DSCAML1: variants seen among roughly 807,000 people sequenced by gnomAD.
The protein encoded by DSCAML1 is DS cell adhesion molecule like 1, also known as cell adhesion molecule DSCAML1.
Under a neutral mutation model 200.5 loss-of-function variants are expected in DSCAML1, and 38 were observed. The observed-to-expected ratio is 0.19, with a 90% CI of 0.15 to 0.25. The LOEUF (loss-of-function observed/expected upper bound fraction) is 0.25. Among genes scored for constraint, DSCAML1 ranks in the 10% least tolerant of loss-of-function variants. DSCAML1 has a pLI of 1.00. For missense variants in DSCAML1, 2,223 were observed against 2,858.8 expected (o/e 0.78, Z 5.07); for synonymous variants, 1,215 against 1,165.0 (o/e 1.04, Z -0.87).
At chr11:117,714,515 A>G (rs2053911802) in intron 3 of DSCAML1, among the ~76,000 whole-genome samples, 1 of 152,158 alleles carries the variant, frequency 6.6e-6, no homozygotes, top group African/African-American at 2.4e-5. Context: ...GAAGAAAAGA[A>G]GAACAAGAAA....
At chr11:117,714,848 G>C (rs7930626) in intron 3 of DSCAML1, among the ~76,000 whole-genome samples, 128,173 of 134,634 alleles carry the variant, frequency 0.95, 61,211 homozygotes, top group South Asian at 0.99. Flanking sequence ...AAAAAAGGAA[G>C]GTGCCACACT....
intron 19 of DSCAML1, among the ~76,000 whole-genome samples, chr11:117,455,916 A>G (rs1809428946): frequency 1.3e-5 from 2 of 152,128 alleles, no homozygotes; most frequent in African/African-American, 4.8e-5. Flanking sequence ...TTAGAACCTA[A>G]CTTTTGCTTA....
At chr11:117,801,023 C>T (rs2055652228), upstream of DSCAML1, 1 of 152,154 alleles carries the variant, frequency 6.6e-6, no homozygotes, top group South Asian at 2.1e-4. Context: ...TGAACCAGGT[C>T]TGTGTGAAAA....
chr11:117,502,534 C>T (rs1366809093), intron 11 of DSCAML1, among the ~76,000 whole-genome samples: 3 of 152,154 alleles, frequency 2.0e-5, no homozygotes, highest in Non-Finnish European at 2.9e-5. Context: ...GATTCCGGCT[C>T]GGAGCTCCCT....
In DSCAML1 at chr11:117,593,290, G is replaced by A. The variant is rs78744690; in HGVS notation, c.512-60768C>T. ...AATCTCTGCTTTCTCCCCTGCTCCCGCCCACCCTGACCTCTTGCAAAATGG... is the reference window on the plus strand; with the variant it reads ...AATCTCTGCTTTCTCCCCTGCTCCCACCCACCCTGACCTCTTGCAAAATGG... On this transcript the variant is annotated intron_variant, in intron 3 of 32. Transcript: ENST00000651296. Among the ~76,000 whole-genome samples, 110 of 152,192 alleles carry A rather than the reference G, an allele frequency of 7.2e-4. 1 individual carries two copies. The highest frequency in any genetic ancestry group is 1.3e-3 in the Non-Finnish European group (87 of 67,980).
intron 3 of DSCAML1, among the ~76,000 whole-genome samples, chr11:117,560,176 G>T (rs927839192): frequency 1.3e-5 from 2 of 152,150 alleles, no homozygotes; most frequent in African/African-American, 4.8e-5. Flanking sequence ...TTTTATTAGT[G>T]ATGGTGATGA....
At chr11:117,814,207 C>G (rs571912505) in intron 1 of DSCAML1, among the ~76,000 whole-genome samples, 32 of 152,280 alleles carry the variant, frequency 2.1e-4, no homozygotes, top group Admixed American at 6.5e-4. Flanking sequence ...TAAAACGGCC[C>G]CACCCCTATC....
intron 24 of DSCAML1, 64 bp from the exon 25 acceptor site, chr11:117,438,147 C>T: frequency 2.0e-6 from 3 of 1,492,790 alleles, no homozygotes; most frequent in Non-Finnish European, 2.7e-6. Context: ...AGCCCAGCCT[C>T]AGGTACCCCA....
At chr11:117,633,911 A>C (rs1438011863) in intron 3 of DSCAML1, among the ~76,000 whole-genome samples, 2 of 152,142 alleles carry the variant, frequency 1.3e-5, no homozygotes, top group Non-Finnish European at 2.9e-5. Context: ...GTGGTCACTG[A>C]ATGGGACCCT....
At chr11:117,448,917 A>G (rs1206352444) in intron 20 of DSCAML1, among the ~76,000 whole-genome samples, 2 of 149,502 alleles carry the variant, frequency 1.3e-5, no homozygotes, top group Non-Finnish European at 3.0e-5. Flanking sequence ...TGTTCACAGC[A>G]GCACCATTTG....
chr11:117,504,826 T>C lies in DSCAML1; in HGVS notation c.2182+98A>G. On this transcript the variant is annotated intron_variant, in intron 10 of 32. Transcript: ENST00000651296. The surrounding 1 kb of genome is among the most constrained non-coding windows in gnomAD (Gnocchi z 5.0). ...AGACCAGAGGACTCCCATCCAGGGA[T>C]AGGAGTTGCCTGCATGGAACAGGTT... The C allele has an allele frequency of 2.7e-6, 4 of 1,458,136 alleles. No homozygotes were observed. Among genetic ancestry groups the C allele is most frequent in the Non-Finnish European group, 3.6e-6 (4 of 1,098,316 alleles). The allele number at this position is 1,458,136 out of a possible 1,614,324, so 90.3% of individuals were successfully genotyped here. A position where few individuals can be genotyped will look rare whatever the true frequency, so the allele number is the denominator to read the frequency against.
chr11:117,648,014 A>T (rs1057350727), intron 3 of DSCAML1, among the ~76,000 whole-genome samples: 4 of 152,338 alleles, frequency 2.6e-5, no homozygotes, highest in Middle Eastern at 3.4e-3. Context: ...CCCAGCTCAG[A>T]AGCAGCCCTG....
intron 18 of DSCAML1, among the ~76,000 whole-genome samples, chr11:117,459,393 G>A (rs1565700773): frequency 6.6e-6 from 1 of 152,238 alleles, no homozygotes; most frequent in Non-Finnish European, 1.5e-5. Flanking sequence ...TGGGGATGGT[G>A]TGTGACAGGC....
chr11:117,712,456 T>C (rs1187312995), intron 3 of DSCAML1, among the ~76,000 whole-genome samples: 1 of 152,122 alleles, frequency 6.6e-6, no homozygotes, highest in East Asian at 1.9e-4. Flanking sequence ...TCTATATTCA[T>C]AGAAATCCGG....
chr11:117,777,758 A>G (rs555154419), intron 2 of DSCAML1, among the ~76,000 whole-genome samples: 1 of 150,830 alleles, frequency 6.6e-6, no homozygotes, highest in East Asian at 2.0e-4. Context: ...GCTGGCTTCT[A>G]GGGCATTGCC....
chr11:117,789,310 A>G (rs1045297020), intron 1 of DSCAML1, among the ~76,000 whole-genome samples: 9 of 152,342 alleles, frequency 5.9e-5, no homozygotes, highest in African/African-American at 1.7e-4. Flanking sequence ...CTTTCTAGAC[A>G]GGGCCTGTCA....
rs147584706 is a variant in DSCAML1, at chr11:117,650,700, T to TGTGTGTGTGTGTGTGCGC, written c.512-118179_512-118178insGCGCACACACACACACAC. Among the ~76,000 whole-genome samples the TGTGTGTGTGTGTGTGCGC allele has an allele frequency of 1.1e-4, 16 of 147,466 alleles. No individual in the cohort carries two copies. The South Asian group carries it at 1.1e-3, about 10-fold the overall frequency. ...GTGTGTGTGTGTGTGTGTGTGTGTG[T>TGTGTGTGTGTGTGTGCGC]GCGTGTGTGTGTGTGGTGGGGATTG... On this transcript the variant is annotated intron_variant, in intron 3 of 32. Transcript: ENST00000651296.
At position 117,492,513 on chromosome 11, in the gene DSCAML1, C is replaced by T. The variant is rs1207432948; in HGVS notation, c.2360-10351G>A. On this transcript the variant is annotated intron_variant, in intron 11 of 32. Coordinates refer to ENST00000651296, the MANE Select transcript of DSCAML1 (RefSeq NM_020693.4). ...GCAGGGAGCCCGTGTGTTCAAGGCT[C>T]GGATCGCCTTTTGTTTCTGAAAGGA... is the stretch of plus-strand genomic sequence containing the variant. Among the ~76,000 whole-genome samples, 6 of 152,286 alleles carry T rather than the reference C, an allele frequency of 3.9e-5. No individual in the cohort carries two copies. In the East Asian group the frequency reaches 1.2e-3, roughly 29 times the overall value.
At chr11:117,753,465 T>C (rs766295365) in intron 3 of DSCAML1, among the ~76,000 whole-genome samples, 1 of 152,222 alleles carries the variant, frequency 6.6e-6, no homozygotes, top group Non-Finnish European at 1.5e-5. Context: ...CTATAAGTGT[T>C]GTTATTCTCA....
Sources: gnomAD v4.1 joint callset for allele counts (sites outside exome capture counted in the v4.1 genomes callset) on GRCh38, gnomAD v4.1.1 for gene constraint, Gnocchi (gnomAD v3.1) non-coding constraint, MANE v1.5 for transcripts, NCBI Gene and HGNC (gene_info 2026-07-23, HGNC 2026-07-21) for gene names.